Variants in DLG2 observed in about 807,000 individuals in gnomAD.
DLG2 encodes the protein disks large homolog 2.
DLG2 carries 45 observed loss-of-function variants against 132.5 expected under a neutral mutation model. That is an observed-to-expected ratio of 0.34 (90% CI 0.27 to 0.44). The LOEUF (loss-of-function observed/expected upper bound fraction) is 0.44, where lower values mean the gene tolerates loss of function less well. DLG2 is among the 20% of genes least tolerant of loss of function. The pLI, the probability that DLG2 is intolerant of heterozygous loss-of-function variation, is 1.00. For synonymous variants in DLG2, 424 were observed against 419.6 expected, an observed-to-expected ratio of 1.01 and a Z score of -0.13; for missense variants, 1,045 against 1,196.9, an observed-to-expected ratio of 0.87 and a Z score of 1.87.
At chr11:85,513,248 T>C (rs2094112348) in intron 3 of DLG2, among the ~76,000 whole-genome samples, 1 of 151,882 alleles carries the variant, frequency 6.6e-6, no homozygotes, top group Non-Finnish European at 1.5e-5. Context: ...GGGTAATACG[T>C]TCAATTAGCA....
At chr11:85,546,912 T>C (rs1451483688) in intron 3 of DLG2, among the ~76,000 whole-genome samples, 2 of 150,138 alleles carry the variant, frequency 1.3e-5, no homozygotes, top group Admixed American at 1.3e-4. Context: ...GCATGTGAGA[T>C]GGGTTTGCTG....
chr11:84,732,024 T>C (rs2063215824), intron 6 of DLG2, among the ~76,000 whole-genome samples: 1 of 152,086 alleles, frequency 6.6e-6, no homozygotes, highest in Non-Finnish European at 1.5e-5. Context: ...TTTATATAAA[T>C]GAAATCATAC....
rs1488230717 is a variant in DLG2 at position 83,472,730 on chromosome 11, C to G, written c.2341G>C (p.Glu781Gln). The G allele has an allele frequency of 6.2e-7, 1 of 1,611,268 alleles. No homozygotes were observed. The highest frequency in any genetic ancestry group is 1.3e-5 in the African/African-American group (1 of 74,696). ...GAAAGCGTGCTGGGAAACTTACTTT[C>G]CTGCCTTGTAACAGGCTCATAGGAA... ...ILSYEPVTRQ[E>Q]INYTRPVIIL... is the part of the protein sequence containing the mutation. Residue 781 changes from glutamate (E) to glutamine (Q), a missense_variant, in exon 23 of 28, where the codon GAA becomes CAA. By Grantham distance (29) the Glu-to-Gln change is conservative (BLOSUM62 2). Around this residue, in one of 4 missense-constraint regions of DLG2, gnomAD observed 398 missense variants for 543.6 expected, o/e 0.73. Coordinates refer to ENST00000376104, the MANE Select transcript of DLG2 (RefSeq NM_001142699.3).
chr11:85,033,386 CAAAAAA>C (rs750024023), intron 6 of DLG2, among the ~76,000 whole-genome samples: 884 of 80,866 alleles, frequency 0.011, 12 homozygotes, highest in African/African-American at 0.036. Flanking sequence ...TATATCCTAG[CAAAAAA>C]AAAAAAAAAA....
intron 6 of DLG2, among the ~76,000 whole-genome samples, chr11:84,896,872 TG>T (rs945772416): frequency 6.6e-6 from 1 of 151,396 alleles, no homozygotes; most frequent in African/African-American, 2.4e-5. Context: ...TATGCATAGC[TG>T]GAAAAAAAAA....
intron 6 of DLG2, among the ~76,000 whole-genome samples, chr11:84,851,404 C>T (rs995615198): frequency 2.6e-5 from 4 of 152,080 alleles, no homozygotes; most frequent in Non-Finnish European, 5.9e-5. Flanking sequence ...GGTCCCTTGA[C>T]ATATGGTTCT....
chr11:85,274,132 A>T (rs967085729), intron 4 of DLG2, among the ~76,000 whole-genome samples: 2 of 152,162 alleles, frequency 1.3e-5, no homozygotes, highest in Non-Finnish European at 2.9e-5. Context: ...GAGGGATAGC[A>T]TTAAGAGATA....
intron 6 of DLG2, among the ~76,000 whole-genome samples, chr11:84,802,752 G>C (rs1230405769): frequency 6.6e-6 from 1 of 151,792 alleles, no homozygotes; most frequent in Non-Finnish European, 1.5e-5. Flanking sequence ...GGGGATGAAA[G>C]TAGAAAAAAG....
chr11:83,593,503 C>T (rs1349376328), intron 19 of DLG2, among the ~76,000 whole-genome samples: 5 of 150,956 alleles, frequency 3.3e-5, no homozygotes, highest in African/African-American at 9.8e-5. Flanking sequence ...GTGGGGTTGG[C>T]GGAGGGGGGA....
chr11:84,749,476 T>C (rs1315334062), intron 6 of DLG2, among the ~76,000 whole-genome samples: 1 of 152,158 alleles, frequency 6.6e-6, no homozygotes, highest in Non-Finnish European at 1.5e-5. Flanking sequence ...TATATATGTT[T>C]AGGTATATAA....
chr11:84,447,900 T>C (rs373131662), intron 7 of DLG2, among the ~76,000 whole-genome samples: 8 of 152,084 alleles, frequency 5.3e-5, no homozygotes, highest in African/African-American at 1.9e-4. Flanking sequence ...TGGGAAGACA[T>C]AGCTCCTCAC....
chr11:84,324,347 G>A (rs1442833923), intron 7 of DLG2, among the ~76,000 whole-genome samples: 1 of 151,626 alleles, frequency 6.6e-6, no homozygotes, highest in Non-Finnish European at 1.5e-5. Flanking sequence ...CTCTGTAAAA[G>A]ATCATTTGAT....
chr11:85,587,023 G>A (rs911880264), intron 3 of DLG2, among the ~76,000 whole-genome samples: 1 of 152,096 alleles, frequency 6.6e-6, no homozygotes, highest in Non-Finnish European at 1.5e-5. Context: ...TCCTTTTGGA[G>A]TTAATTTCCA....
intron 3 of DLG2, among the ~76,000 whole-genome samples, chr11:85,374,762 G>A (rs2085271207): frequency 6.6e-6 from 1 of 152,042 alleles, no homozygotes; most frequent in African/African-American, 2.4e-5. Flanking sequence ...ATCATTGCTG[G>A]CTCAAGAAAA....
chr11:84,575,485 T>G (rs2099497351), intron 6 of DLG2, among the ~76,000 whole-genome samples: 2 of 152,178 alleles, frequency 1.3e-5, no homozygotes, highest in African/African-American at 4.8e-5. Flanking sequence ...GAATGAGTCC[T>G]CTCATTTGAT....
At chr11:85,104,487 G>A (rs1323679569) in intron 6 of DLG2, among the ~76,000 whole-genome samples, 1 of 151,846 alleles carries the variant, frequency 6.6e-6, no homozygotes, top group African/African-American at 2.4e-5. Flanking sequence ...CCGCTTATAG[G>A]AAATATCTAG....
At chr11:84,584,571 G>T (rs114544790) in intron 6 of DLG2, among the ~76,000 whole-genome samples, 7,517 of 146,860 alleles carry the variant, frequency 0.051, 265 homozygotes, top group Admixed American at 0.12. Flanking sequence ...TTGCTATGTT[G>T]TCCAGGTTAG....
intron 4 of DLG2, among the ~76,000 whole-genome samples, chr11:85,199,682 G>A (rs1385163145): frequency 2.0e-5 from 3 of 152,136 alleles, no homozygotes; most frequent in African/African-American, 7.2e-5. Context: ...ATTGATGAGA[G>A]TTTAAAACTT....
intron 7 of DLG2, among the ~76,000 whole-genome samples, chr11:84,511,909 CTG>C (rs1265470722): frequency 6.6e-6 from 1 of 152,130 alleles, no homozygotes; most frequent in Admixed American, 6.5e-5. Context: ...TTGGTACAAA[CTG>C]TATTAATCCT....
Sources: gnomAD v4.1 joint callset for allele counts (sites outside exome capture counted in the v4.1 genomes callset) on GRCh38, gnomAD v4.1.1 for gene constraint, gnomAD v4.1.1 regional missense constraint, MANE v1.5 for transcripts, NCBI Gene and HGNC (gene_info 2026-07-23, HGNC 2026-07-21) for gene names.